ZNF254: variants seen among roughly 807,000 people sequenced by gnomAD.
ZNF254 encodes the protein zinc finger protein 254.
ZNF254 carries 10 observed loss-of-function variants against 12.4 expected under a neutral mutation model. The observed-to-expected ratio is 0.80, with a 90% CI of 0.50 to 1.36. The LOEUF (loss-of-function observed/expected upper bound fraction) is 1.36, where lower values mean the gene tolerates loss of function less well. Among genes scored for constraint, ZNF254 ranks in the 40% most tolerant of loss-of-function variants. The probability of loss-of-function intolerance (pLI) is 0.00; values close to 1 mark genes in which losing one functional copy is unlikely to be tolerated. For synonymous variants in ZNF254, 305 were observed against 253.4 expected, an observed-to-expected ratio of 1.20 and a Z score of -1.93; for missense variants, 996 against 763.9, an observed-to-expected ratio of 1.30 and a Z score of -3.58.
chr19:24,128,110 T>C lies in ZNF254; in HGVS notation c.*130T>C. On this transcript the variant is annotated 3_prime_UTR_variant, in exon 4 of 4. Coordinates refer to ENST00000357002, the MANE Select transcript of ZNF254 (RefSeq NM_203282.4). ...GTACCTAAAACTTTAAAGAAAATCA[T>C]TCTGCTGAAAAATCCTAGAAATGTG... is the stretch of plus-strand genomic sequence containing the variant. 1.5e-5 allele frequency: 14 copies of C among 942,004 alleles called. No individual in the cohort carries two copies. Among genetic ancestry groups the C allele is most frequent in the Non-Finnish European group, 2.0e-5 (14 of 685,602 alleles). The allele number at this position is 942,004 out of a possible 1,614,324, so 58.4% of individuals were successfully genotyped here.
Position 24,127,604 on chromosome 19 carries a change from A to C in ZNF254, c.1604A>C (p.Lys535Thr), listed in dbSNP as rs1185881556. 1.9e-6 allele frequency: 3 copies of C among 1,607,606 alleles called. No individual in the cohort carries two copies. The highest frequency in any genetic ancestry group is 1.1e-5 in the South Asian group (1 of 90,580). The change falls in exon 4 of 4, where the codon AAA becomes ACA. Residue 535 changes from lysine (K) to threonine (T), a missense_variant. Coordinates refer to ENST00000357002, the MANE Select transcript of ZNF254 (RefSeq NM_203282.4). Reference protein sequence around the residue: ...KAFNWSSTLTKHKIIHTEEKP... With the variant: ...KAFNWSSTLTTHKIIHTEEKP... ...TTTAACTGGTCCTCAACTCTTACTA[A>C]ACATAAGATAATTCATACTGAAGAG...
intron 1 of ZNF254, among the ~76,000 whole-genome samples, chr19:24,099,438 A>G (rs1972877691): frequency 6.6e-6 from 1 of 152,168 alleles, no homozygotes; most frequent in African/African-American, 2.4e-5. Flanking sequence ...AGAAGAGGAC[A>G]CTGGCCACCA....
At chr19:24,045,917 C>T (rs960274921) in intron 1 of ZNF254, among the ~76,000 whole-genome samples, 1 of 151,856 alleles carries the variant, frequency 6.6e-6, no homozygotes, top group African/African-American at 2.4e-5. Flanking sequence ...AAAAAAAATT[C>T]TAAGTTTGTT....
intron 3 of ZNF254, among the ~76,000 whole-genome samples, chr19:24,118,284 C>T (rs1219495955): frequency 1.3e-5 from 2 of 151,992 alleles, no homozygotes; most frequent in South Asian, 2.1e-4. Flanking sequence ...GAACTCCTGA[C>T]CTCAAAATCC....
At chr19:24,039,739 G>A (rs1970091076) in intron 1 of ZNF254, among the ~76,000 whole-genome samples, 1 of 152,178 alleles carries the variant, frequency 6.6e-6, no homozygotes, top group Non-Finnish European at 1.5e-5. Flanking sequence ...ATACATGGTT[G>A]AATTAAGAGT....
In ZNF254 at chr19:24,128,104, A is replaced by T; in HGVS notation, c.*124A>T. 2 of 985,290 alleles carry T rather than the reference A, an allele frequency of 2.0e-6. No homozygotes were observed. Among genetic ancestry groups the T allele is most frequent in the Non-Finnish European group, 2.8e-6 (2 of 724,710 alleles). 61.0% of individuals were successfully genotyped at this position (985,290 alleles called of 1,614,324 possible). A position where few individuals can be genotyped will look rare whatever the true frequency, so the allele number is the denominator to read the frequency against. ...TTGACAGTACCTAAAACTTTAAAGA[A>T]AATCATTCTGCTGAAAAATCCTAGA... On this transcript the variant is annotated 3_prime_UTR_variant, in exon 4 of 4. Coordinates refer to ENST00000357002, the MANE Select transcript of ZNF254 (RefSeq NM_203282.4).
At chr19:24,087,185 G>A (rs1010275755), upstream of ZNF254, 6 of 1,284,594 alleles carry the variant, frequency 4.7e-6, no homozygotes, top group Admixed American at 8.0e-5. Context: ...GGATATGGCG[G>A]GGCCTTTGTC....
Position 24,129,598 on chromosome 19 carries a change from A to G in ZNF254, c.*1618A>G, listed in dbSNP as rs1440748389. The G allele has an allele frequency of 6.6e-5, 10 of 152,088 alleles. No homozygotes were observed. The South Asian group carries it at 1.2e-3, about 19-fold the overall frequency. 9.4% of individuals were successfully genotyped at this position (152,088 alleles called of 1,614,324 possible). The stretch of plus-strand genomic sequence containing the variant: ...TTGTGGATACATAATATGTGTATAT[A>G]TGTATGCCATATATGGTATATTTTG... On this transcript the variant is annotated 3_prime_UTR_variant, in exon 4 of 4. Transcript: ENST00000357002.
rs780198149 is a variant in ZNF254 at position 24,126,619 on chromosome 19, G to A, written c.619G>A (p.Glu207Lys). 6.5e-5 allele frequency: 104 copies of A among 1,608,254 alleles called. No homozygotes were observed. Among genetic ancestry groups the A allele is most frequent in the Non-Finnish European group, 8.6e-5 (101 of 1,178,368 alleles). Residue 207 changes from glutamate (E) to lysine (K), a missense_variant, in exon 4 of 4, where the codon GAG (glutamate) becomes AAG (lysine). Coordinates refer to ENST00000357002, the MANE Select transcript of ZNF254 (RefSeq NM_203282.4). ...CCAACACAAAAGCATTTATCATAGA[G>A]AGAAGTCCTACAAATGTAAAGAATG... ...KTQHKSIYHR[E>K]KSYKCKECGK...
upstream of ZNF254, among the ~76,000 whole-genome samples, chr19:24,085,426 A>ATATATATATATATATATATATATATATGT (rs369443689): frequency 1.2e-4 from 13 of 105,640 alleles, no homozygotes; most frequent in East Asian, 2.8e-4. Flanking sequence ...ATATATATAT[A>ATATATATATATATATATATATATATATGT]AAAACTAAGA....
chr19:24,108,316 G>C (rs1973461730), intron 3 of ZNF254, among the ~76,000 whole-genome samples: 1 of 152,212 alleles, frequency 6.6e-6, no homozygotes, highest in Admixed American at 6.5e-5. Context: ...GATGTTTACA[G>C]AGTAAGTTTA....
intron 1 of ZNF254, among the ~76,000 whole-genome samples, chr19:24,038,190 G>T (rs1970035531): frequency 6.6e-6 from 1 of 152,130 alleles, no homozygotes; most frequent in South Asian, 2.1e-4. Flanking sequence ...AAATAGCAAA[G>T]AAAATAGAAC....
chr19:24,126,699 T>C lies in ZNF254; in HGVS notation c.699T>C (p.Thr233=), dbSNP rs1172194425. The change falls in exon 4 of 4, where the codon ACT becomes ACC. Residue 233 remains threonine, a synonymous_variant. Transcript: ENST00000357002. ...STLTNHRKIY[T]EEKPYKCEEY... ...TTACTAATCATAGGAAAATTTATAC[T>C]GAAGAGAAACCTTACAAATGTGAAG... The C allele has an allele frequency of 1.2e-6, 2 of 1,613,412 alleles. No homozygotes were observed. Among genetic ancestry groups the C allele is most frequent in the South Asian group, 1.1e-5 (1 of 90,976 alleles).
At chr19:24,046,563 C>G (rs907574777) in intron 2 of ZNF254, among the ~76,000 whole-genome samples, 1 of 151,750 alleles carries the variant, frequency 6.6e-6, no homozygotes, top group African/African-American at 2.4e-5. Context: ...GTTCTGAAGC[C>G]ATACACACAA....
At chr19:24,091,804 T>G in intron 1 of ZNF254, 1 of 979,238 alleles carries the variant, frequency 1.0e-6, no homozygotes, top group Non-Finnish European at 1.2e-6. Flanking sequence ...TATATCCTGT[T>G]ATTTTGATTT....
rs536614075 is a variant in ZNF254 at position 24,110,757 on chromosome 19, A to T, written c.253+4114A>T. Reference sequence around the variant, plus strand: ...GTTTTTATGAGTGTAATTACTTTAAATATTTATATAAGTAAAATCATAACA... The same window carrying T: ...GTTTTTATGAGTGTAATTACTTTAATTATTTATATAAGTAAAATCATAACA... On this transcript the variant is annotated intron_variant, in intron 3 of 3. Coordinates refer to ENST00000357002, the MANE Select transcript of ZNF254 (RefSeq NM_203282.4). 1.6e-4 allele frequency among the ~76,000 whole-genome samples: 24 copies of T among 152,222 alleles called. No homozygotes were observed. In the East Asian group the frequency reaches 4.4e-3, roughly 28 times the overall value.
chr19:24,094,292 C>A (rs1382388043), intron 1 of ZNF254, among the ~76,000 whole-genome samples: 1 of 152,308 alleles, frequency 6.6e-6, no homozygotes, highest in African/African-American at 2.4e-5. Flanking sequence ...GAGATGGAGT[C>A]TTGCTCTTCG....
At chr19:24,120,642 T>C (rs925597077) in intron 3 of ZNF254, among the ~76,000 whole-genome samples, 2 of 150,996 alleles carry the variant, frequency 1.3e-5, no homozygotes, top group Non-Finnish European at 2.9e-5. Context: ...AATTGACTCA[T>C]TTTAGCATTT....
At chr19:24,041,773 G>A (rs951959858) in intron 1 of ZNF254, among the ~76,000 whole-genome samples, 1 of 152,388 alleles carries the variant, frequency 6.6e-6, no homozygotes, top group Non-Finnish European at 1.5e-5. Context: ...AGCCAGCTGG[G>A]CTCCTGAGTC....
Sources: gnomAD v4.1 joint callset for allele counts (sites outside exome capture counted in the v4.1 genomes callset) on GRCh38, gnomAD v4.1.1 for gene constraint, MANE v1.5 for transcripts, NCBI Gene and HGNC (gene_info 2026-07-23, HGNC 2026-07-21) for gene names.